P4HTM: variants seen among roughly 807,000 people sequenced by gnomAD.
P4HTM encodes prolyl 4-hydroxylase, transmembrane, also known as transmembrane prolyl 4-hydroxylase.
A neutral mutation model predicts 55.3 loss-of-function variants in P4HTM; 33 were observed. That is an observed-to-expected ratio of 0.60 (90% confidence interval 0.45 to 0.80). The LOEUF (loss-of-function observed/expected upper bound fraction) is 0.80. Among genes scored for constraint, P4HTM ranks in the 30% least tolerant of loss-of-function variants. P4HTM has a pLI of 0.00. For synonymous variants in P4HTM, 272 were observed against 286.4 expected, an observed-to-expected ratio of 0.95 and a Z score of 0.51; for missense variants, 542 against 696.5, an observed-to-expected ratio of 0.78 and a Z score of 2.50.
Position 48,990,773 on chromosome 3 carries a change from G to A in P4HTM, c.355-60G>A. ...GTCGCTCTCCGGGCCGGGGCGACTT[G>A]GCCCTTCTTGGGCAGCGCGGTCTGG... On this transcript the variant is annotated intron_variant, in intron 1 of 8. Transcript: ENST00000383729. The surrounding 1 kb of genome is among the most constrained non-coding windows in gnomAD (Gnocchi z 7.2). 1.3e-6 allele frequency: 2 copies of A among 1,565,918 alleles called. No homozygotes were observed. The highest frequency in any genetic ancestry group is 1.8e-6 in the Non-Finnish European group (2 of 1,141,574).
chr3:49,000,308 T>C (rs777555688), intron 2 of P4HTM, among the ~76,000 whole-genome samples: 1 of 152,108 alleles, frequency 6.6e-6, no homozygotes, highest in Non-Finnish European at 1.5e-5. Context: ...CCCAGCACTT[T>C]TGAGCCCGAG....
intron 8 of P4HTM, 70 bp from the exon 9 acceptor site, chr3:49,006,617 G>T: frequency 7.5e-7 from 1 of 1,334,078 alleles, no homozygotes; most frequent in South Asian, 1.2e-5. Context: ...CCTTGGTCAT[G>T]CTCTTGGTGC....
At chr3:48,991,964 G>A (rs2092932358) in intron 2 of P4HTM, 1 of 152,246 alleles carries the variant, frequency 6.6e-6, no homozygotes, top group African/African-American at 2.4e-5. Flanking sequence ...CCTGGTTGGG[G>A]ATTATGCCTA....
At chr3:48,998,145 G>A (rs2092951089) in intron 2 of P4HTM, 2 of 152,368 alleles carry the variant, frequency 1.3e-5, no homozygotes, top group African/African-American at 2.4e-5. Flanking sequence ...AAGGGGTGGG[G>A]CCGAGCAAGG....
rs1451621030 is a variant in P4HTM, at chr3:48,990,358, G to A, written c.102G>A (p.Ala34=). The change falls in exon 1 of 9, where the codon GCG becomes GCA. Residue 34 remains alanine, a synonymous_variant. Transcript: ENST00000383729. The surrounding 1 kb of genome is among the most constrained non-coding windows in gnomAD (Gnocchi z 7.2). ...CGCCAGACCACTGCCAGGCTCAGGC[G>A]GCGGCCGGGCTGGGCGACGGCGAGG... ...WAPPDHCQAQ[A]AAGLGDGEDA... 4 of 1,563,512 alleles carry A rather than the reference G, an allele frequency of 2.6e-6. No individual in the cohort carries two copies. Among genetic ancestry groups the A allele is most frequent in the African/African-American group, 1.4e-5 (1 of 72,532 alleles).
At chr3:48,991,010 G>A in intron 2 of P4HTM, 96 bp downstream of exon 2, 2 of 904,556 alleles carry the variant, frequency 2.2e-6, no homozygotes, top group South Asian at 1.4e-5. Context: ...TTTTGAAAAT[G>A]GCTGCTTCAG....
In P4HTM at chr3:49,005,760, C is replaced by G. The variant is rs772802165; in HGVS notation, c.1074-17C>G. ...TCCACAACTGGGGACCTGCTCAGTG[C>G]CCCCCCTGCCTTACAGCTACATGAC... On this transcript the variant is annotated splice_polypyrimidine_tract_variant and intron_variant, in intron 6 of 8. Coordinates refer to ENST00000383729, the MANE Select transcript of P4HTM (RefSeq NM_177939.3). 2.2e-5 allele frequency: 35 copies of G among 1,586,398 alleles called. No individual in the cohort carries two copies. The Admixed American group carries it at 4.3e-4, about 20-fold the overall frequency.
rs1234067013 is a variant in P4HTM at position 48,990,320 on chromosome 3, C to T, written c.64C>T (p.Pro22Ser). 7.0e-7 allele frequency: 1 copy of T among 1,421,708 alleles called. No homozygotes were observed. The highest frequency in any genetic ancestry group is 2.8e-5 in the Admixed American group (1 of 35,244). 88.1% of individuals were successfully genotyped at this position (1,421,708 alleles called of 1,614,324 possible). ...ETAAAEEASR[P>S]QWAPPDHCQA... ...CGCGGCGGCCGAGGAGGCCTCGAGG[C>T]CGCAGTGGGCGCCGCCAGACCACTG... is the stretch of plus-strand genomic sequence containing the variant. Residue 22 changes from proline to serine, a missense_variant, in exon 1 of 9, where the codon CCG (proline) becomes TCG (serine). Coordinates refer to ENST00000383729, the MANE Select transcript of P4HTM (RefSeq NM_177939.3). The surrounding 1 kb of genome is among the most constrained non-coding windows in gnomAD (Gnocchi z 7.2).
Position 48,990,558 on chromosome 3 carries a change from G to A in P4HTM, c.302G>A (p.Gly101Asp), listed in dbSNP as rs1576601519. 1.2e-6 allele frequency: 2 copies of A among 1,608,932 alleles called. No homozygotes were observed. Among genetic ancestry groups the A allele is most frequent in the South Asian group, 2.2e-5 (2 of 90,666 alleles). ...CCCGGGCCCCAACACCGTGCCCAGG[G>A]CCCCGGGCCCGAGCCCACCTTAGGT... ...SDPGPQHRAQGPGPEPTLGPL... is the reference protein window; with the variant it reads ...SDPGPQHRAQDPGPEPTLGPL... Residue 101 changes from glycine to aspartate, a missense_variant, in exon 1 of 9, where the codon GGC (glycine) becomes GAC (aspartate). Coordinates refer to ENST00000383729, the MANE Select transcript of P4HTM (RefSeq NM_177939.3). The surrounding 1 kb of genome is among the most constrained non-coding windows in gnomAD (Gnocchi z 7.2).
At chr3:49,003,969 T>C in intron 4 of P4HTM, 129 bp from the exon 5 acceptor site, 1 of 821,142 alleles carries the variant, frequency 1.2e-6, no homozygotes. Context: ...GGGGGACAAG[T>C]GTACAAGGCC....
At position 49,007,062 on chromosome 3, in the gene P4HTM, T is replaced by G; in HGVS notation, c.*155T>G. On this transcript the variant is annotated 3_prime_UTR_variant, in exon 9 of 9. Coordinates refer to ENST00000383729, the MANE Select transcript of P4HTM (RefSeq NM_177939.3). This position sits in a 1 kb window ranked among gnomAD's most constrained non-coding sequence, Gnocchi z 5.1. ...CGGCGCAGTTCCTATATTCATGTTATTTATTGTGTACTGACTCCATCTGCC... is the reference window on the plus strand; with the variant it reads ...CGGCGCAGTTCCTATATTCATGTTAGTTATTGTGTACTGACTCCATCTGCC... 1.4e-6 allele frequency: 1 copy of G among 703,732 alleles called. No homozygotes were observed. Among genetic ancestry groups the G allele is most frequent in the Non-Finnish European group, 2.4e-6 (1 of 425,300 alleles). 43.6% of individuals were successfully genotyped at this position (703,732 alleles called of 1,614,324 possible).
At chr3:49,003,041 T>G in intron 4 of P4HTM, 1 of 327,584 alleles carries the variant, frequency 3.1e-6, no homozygotes, top group Admixed American at 4.4e-5. Context: ...CTCCCTTGCC[T>G]TCCTCTTGTC....
chr3:48,990,484 G>C lies in P4HTM; in HGVS notation c.228G>C (p.Leu76=). 6.2e-7 allele frequency: 1 copy of C among 1,611,368 alleles called. No homozygotes were observed. Among genetic ancestry groups the C allele is most frequent in the Non-Finnish European group, 8.5e-7 (1 of 1,179,480 alleles). Residue 76 remains leucine (L), a synonymous_variant, in exon 1 of 9, where the codon CTG becomes CTC. Transcript: ENST00000383729. This position sits in a 1 kb window ranked among gnomAD's most constrained non-coding sequence, Gnocchi z 7.2. ...TGCACCTGTACCTGGGTAACGTGCT[G>C]GCGCTGCTGCTCTTCGTGCACTACA... ...VFVHLYLGNV[L]ALLLFVHYSN...
chr3:49,004,624 G>C, intron 5 of P4HTM: 1 of 581,782 alleles, frequency 1.7e-6, no homozygotes. Context: ...CCTTTATTTA[G>C]TGGAAATGTC....
rs553669698 is a variant in P4HTM, at chr3:49,002,547, G to C, written c.675G>C (p.Glu225Asp). ...RLGNGWWMTP[E>D]SIQEMYAAIK... ...GAAATGGATGGTGGATGACTCCAGA[G>C]AGCATTCAGGAGATGTACGCCGCGA... is the stretch of plus-strand genomic sequence containing the variant. The change falls in exon 4 of 9, where the codon GAG becomes GAC. Residue 225 changes from glutamate (E) to aspartate (D), a missense_variant. Glu to Asp is a conservative substitution (Grantham distance 45, BLOSUM62 2). Around this residue, in one of 2 missense-constraint regions of P4HTM, gnomAD observed 536 missense variants for 672.1 expected, o/e 0.80. Transcript: ENST00000383729. This position sits in a 1 kb window ranked among gnomAD's most constrained non-coding sequence, Gnocchi z 4.4. The C allele has an allele frequency of 2.5e-6, 4 of 1,614,140 alleles. No individual in the cohort carries two copies. The highest frequency in any genetic ancestry group is 1.6e-4 in the Middle Eastern group (1 of 6,062).
chr3:49,002,414 T>C lies in P4HTM; in HGVS notation c.628-86T>C. On this transcript the variant is annotated intron_variant, in intron 3 of 8. Transcript: ENST00000383729. This position sits in a 1 kb window ranked among gnomAD's most constrained non-coding sequence, Gnocchi z 4.4. ...CATCCATGCCCTCACCTGAACACTT[T>C]GCTCCACAACAAGCACTGGGCCATC... 1.0e-6 allele frequency: 1 copy of C among 976,048 alleles called. No homozygotes were observed. Among genetic ancestry groups the C allele is most frequent in the South Asian group, 1.4e-5 (1 of 71,100 alleles). The allele number at this position is 976,048 out of a possible 1,614,324, so 60.5% of individuals were successfully genotyped here.
chr3:49,002,303 A>G lies in P4HTM; in HGVS notation c.628-197A>G, dbSNP rs2092963264. On this transcript the variant is annotated intron_variant, in intron 3 of 8. Transcript: ENST00000383729. This position sits in a 1 kb window ranked among gnomAD's most constrained non-coding sequence, Gnocchi z 4.4. Reference sequence around the variant, plus strand: ...GAATGCAAATGGCCTACGCCTCTTGACCCCCAGCCCCCGGCCTTCTCCTCA... The same window carrying G: ...GAATGCAAATGGCCTACGCCTCTTGGCCCCCAGCCCCCGGCCTTCTCCTCA... Among the ~76,000 whole-genome samples the G allele has an allele frequency of 6.6e-6, 1 of 152,014 alleles. No homozygotes were observed. Among genetic ancestry groups the G allele is most frequent in the African/African-American group, 2.4e-5 (1 of 41,370 alleles).
upstream of P4HTM, chr3:48,990,077 C>A: frequency 2.5e-6 from 1 of 395,488 alleles, no homozygotes; most frequent in Non-Finnish European, 3.6e-6. The surrounding 1 kb of genome is among the most constrained non-coding windows in gnomAD (Gnocchi z 7.2). Flanking sequence ...GGCTGGGGCT[C>A]AAGGCGCAGG....
rs938105536 is a variant in P4HTM at position 49,001,423 on chromosome 3, C to T, written c.437-15C>T. The T allele has an allele frequency of 6.2e-7, 1 of 1,613,480 alleles. No homozygotes were observed. Among genetic ancestry groups the T allele is most frequent in the Non-Finnish European group, 8.5e-7 (1 of 1,179,908 alleles). On this transcript the variant is annotated splice_polypyrimidine_tract_variant and intron_variant, in intron 2 of 8. Coordinates refer to ENST00000383729, the MANE Select transcript of P4HTM (RefSeq NM_177939.3). Reference sequence around the variant, plus strand: ...TGGCTCAGTCCTTGGCCTCACCCACCTCCTCTTCTGGCAGAAATCCCCGGC... The same window carrying T: ...TGGCTCAGTCCTTGGCCTCACCCACTTCCTCTTCTGGCAGAAATCCCCGGC...
Sources: gnomAD v4.1 joint callset for allele counts (sites outside exome capture counted in the v4.1 genomes callset) on GRCh38, gnomAD v4.1.1 for gene constraint, gnomAD v4.1.1 regional missense constraint, Gnocchi (gnomAD v3.1) non-coding constraint, MANE v1.5 for transcripts, NCBI Gene and HGNC (gene_info 2026-07-23, HGNC 2026-07-21) for gene names.